The following LMCD1 variants were observed in gnomAD, a reference collection of about 807,000 sequenced individuals.
The protein encoded by LMCD1 is LIM and cysteine rich domains 1.
A neutral mutation model predicts 42.7 loss-of-function variants in LMCD1; 32 were observed. That is an observed-to-expected ratio of 0.75 (90% confidence interval 0.57 to 1.01). The LOEUF (loss-of-function observed/expected upper bound fraction) is 1.01. LMCD1 is among the 50% of genes least tolerant of loss of function. The pLI, the probability that LMCD1 is intolerant of heterozygous loss-of-function variation, is 0.00. For synonymous variants in LMCD1, 178 were observed against 184.9 expected (o/e 0.96, Z 0.30); for missense variants, 458 against 483.1 (o/e 0.95, Z 0.49).
chr3:8,567,220 ATTTT>A (rs148408320), intron 5 of LMCD1, among the ~76,000 whole-genome samples: 1 of 152,016 alleles, frequency 6.6e-6, no homozygotes, highest in African/African-American at 2.4e-5. Flanking sequence ...GTAGTGGAGG[ATTTT>A]TTTTATTCCG....
At chr3:8,540,522 G>A (rs1649594342) in intron 3 of LMCD1, among the ~76,000 whole-genome samples, 1 of 152,226 alleles carries the variant, frequency 6.6e-6, no homozygotes, top group Admixed American at 6.5e-5. Context: ...ACAGAGCCAG[G>A]TCTTGAACTC....
chr3:8,502,763 C>T (rs914365871), intron 1 of LMCD1, among the ~76,000 whole-genome samples: 1 of 152,104 alleles, frequency 6.6e-6, no homozygotes, highest in Non-Finnish European at 1.5e-5. Context: ...GAGCCTGCGG[C>T]TGTGCCTATA....
rs559846127 is a variant in LMCD1 at position 8,545,151 on chromosome 3, C to A, written c.388-3417C>A. ...CTTTGCATATTTTTTAATTAATAAA[C>A]CATGAAATACCTTATGTCCATAATG... On this transcript the variant is annotated intron_variant, in intron 3 of 5. Transcript: ENST00000157600. Among the ~76,000 whole-genome samples, 56 of 152,172 alleles carry A rather than the reference C, an allele frequency of 3.7e-4. 1 individual carries two copies. The South Asian group carries it at 0.011, about 31-fold the overall frequency.
intron 3 of LMCD1, among the ~76,000 whole-genome samples, chr3:8,545,765 A>G (rs1379577896): frequency 6.6e-6 from 1 of 152,210 alleles, no homozygotes. Context: ...GTGTCCATTG[A>G]GAGACACTAC....
intron 1 of LMCD1, among the ~76,000 whole-genome samples, chr3:8,510,123 G>C (rs1391861343): frequency 6.6e-6 from 1 of 152,218 alleles, no homozygotes; most frequent in Non-Finnish European, 1.5e-5. Flanking sequence ...GAGAGCATCT[G>C]TTTGGGCTGT....
chr3:8,546,931 T>G (rs755510594), intron 3 of LMCD1, among the ~76,000 whole-genome samples: 7 of 152,108 alleles, frequency 4.6e-5, no homozygotes, highest in African/African-American at 1.7e-4. Flanking sequence ...AAAGAAGAGG[T>G]TTAAAAGCAG....
chr3:8,516,487 G>A (rs1694104008), intron 1 of LMCD1, among the ~76,000 whole-genome samples: 2 of 152,122 alleles, frequency 1.3e-5, no homozygotes, highest in African/African-American at 4.8e-5. Flanking sequence ...GAAAGTGGCG[G>A]AATCATTGCC....
At chr3:8,518,358 A>G (rs1015586064) in intron 1 of LMCD1, among the ~76,000 whole-genome samples, 3 of 152,242 alleles carry the variant, frequency 2.0e-5, no homozygotes, top group Non-Finnish European at 4.4e-5. Flanking sequence ...GAGTTTTTCT[A>G]GAGCAGTCTG....
intron 1 of LMCD1, among the ~76,000 whole-genome samples, chr3:8,518,307 A>G (rs921204572): frequency 6.6e-6 from 1 of 152,214 alleles, no homozygotes; most frequent in Admixed American, 6.5e-5. Context: ...ACGATTTCCC[A>G]GTGCTTGTCT....
intron 2 of LMCD1, among the ~76,000 whole-genome samples, chr3:8,536,460 C>T (rs975842566): frequency 2.0e-5 from 3 of 152,160 alleles, no homozygotes; most frequent in Non-Finnish European, 1.5e-5. Flanking sequence ...TCTGACAAAG[C>T]CTTCCCAATA....
intron 3 of LMCD1, 66 bp from the exon 4 acceptor site, chr3:8,548,502 C>T (rs940410738): frequency 3.5e-5 from 40 of 1,152,040 alleles, no homozygotes; most frequent in Non-Finnish European, 4.7e-5. Context: ...TAGATTCTGT[C>T]ATAGTTTCTT....
At chr3:8,553,488 A>C (rs894498669) in intron 4 of LMCD1, among the ~76,000 whole-genome samples, 1 of 152,212 alleles carries the variant, frequency 6.6e-6, no homozygotes, top group African/African-American at 2.4e-5. Context: ...TGCAGGACAC[A>C]CTGCTGTCTG....
At chr3:8,502,320 A>T (rs1484514759) in intron 1 of LMCD1, among the ~76,000 whole-genome samples, 1 of 39,470 alleles carries the variant, frequency 2.5e-5, no homozygotes, top group African/African-American at 1.1e-4. Context: ...TAAAATATAT[A>T]TTATATATAA....
chr3:8,524,200 G>GAA (rs767993356), intron 1 of LMCD1, among the ~76,000 whole-genome samples: 24 of 87,454 alleles, frequency 2.7e-4, no homozygotes, highest in Admixed American at 7.7e-4. Context: ...ACTTCTTAAG[G>GAA]AAAAAAAAAA....
chr3:8,557,970 C>T (rs896054424), intron 4 of LMCD1, among the ~76,000 whole-genome samples: 4 of 152,268 alleles, frequency 2.6e-5, no homozygotes, highest in African/African-American at 9.6e-5. Flanking sequence ...CCTTGACCTC[C>T]GAGGTCTCTC....
chr3:8,565,378 T>A, intron 4 of LMCD1, 54 bp from the exon 5 acceptor site: 1 of 1,507,488 alleles, frequency 6.6e-7, no homozygotes, highest in Admixed American at 1.7e-5. Context: ...CGAACCCATG[T>A]CACTGTGCTC....
chr3:8,563,884 A>G (rs12489970), intron 4 of LMCD1, among the ~76,000 whole-genome samples: 17,853 of 152,204 alleles, frequency 0.12, 1,602 homozygotes, highest in East Asian at 0.38. Context: ...CTTCCTCCCA[A>G]CGTACTCATC....
In LMCD1 at chr3:8,532,827, T is replaced by C. The variant is rs1333866879; in HGVS notation, c.131+2T>C. Reference sequence around the variant, plus strand: ...GGGCTTCGAGCCACATTCATGGAGGTAACAGATTTTGTCAGGAGGGTCCCT... The same window carrying C: ...GGGCTTCGAGCCACATTCATGGAGGCAACAGATTTTGTCAGGAGGGTCCCT... On this transcript the variant is annotated splice_donor_variant, in intron 2 of 5. Coordinates refer to ENST00000157600, the MANE Select transcript of LMCD1 (RefSeq NM_014583.4). LOFTEE classifies it high-confidence loss of function. 2.5e-6 allele frequency: 4 copies of C among 1,612,724 alleles called. No individual in the cohort carries two copies. The highest frequency in any genetic ancestry group is 2.5e-6 in the Non-Finnish European group (3 of 1,179,180).
chr3:8,542,052 T>C (rs556650587), intron 3 of LMCD1, among the ~76,000 whole-genome samples: 1 of 135,872 alleles, frequency 7.4e-6, no homozygotes, highest in African/African-American at 2.8e-5. Context: ...TCTGTCGCAG[T>C]GGCAGGATCT....
Sources: gnomAD v4.1 joint callset for allele counts (sites outside exome capture counted in the v4.1 genomes callset) on GRCh38, gnomAD v4.1.1 for gene constraint, MANE v1.5 for transcripts, NCBI Gene and HGNC (gene_info 2026-07-23, HGNC 2026-07-21) for gene names.